Variants in CSMD3 observed in about 807,000 individuals in gnomAD.
CSMD3 encodes the protein CUB and Sushi multiple domains 3.
A neutral mutation model predicts 435.2 loss-of-function variants in CSMD3; 177 were observed. That is an observed-to-expected ratio of 0.41 (90% CI 0.36 to 0.46). The LOEUF (loss-of-function observed/expected upper bound fraction) is 0.46, where lower values mean the gene tolerates loss of function less well. Among genes scored for constraint, CSMD3 ranks in the 20% least tolerant of loss-of-function variants. The pLI, the probability that CSMD3 is intolerant of heterozygous loss-of-function variation, is 0.34. For synonymous variants in CSMD3, 1,656 were observed against 1,520.5 expected (o/e 1.09, Z -2.07); for missense variants, 4,265 against 4,504.6 (o/e 0.95, Z 1.52).
intron 13 of CSMD3, among the ~76,000 whole-genome samples, chr8:112,779,093 T>C (rs1315770816): frequency 1.3e-5 from 2 of 151,938 alleles, no homozygotes; most frequent in African/African-American, 4.8e-5. Context: ...ATAAGATGTG[T>C]CTTTGCAAAG....
At chr8:112,261,960 A>G (rs1816446118) in intron 61 of CSMD3, among the ~76,000 whole-genome samples, 1 of 152,004 alleles carries the variant, frequency 6.6e-6, no homozygotes, top group African/African-American at 2.4e-5. Flanking sequence ...TTTCACACAT[A>G]TTGATTACAT....
intron 47 of CSMD3, among the ~76,000 whole-genome samples, chr8:112,317,914 T>A (rs971415430): frequency 6.6e-6 from 1 of 152,076 alleles, no homozygotes; most frequent in South Asian, 2.1e-4. Flanking sequence ...CCAAAAAAGC[T>A]AGAAAGAATA....
chr8:113,180,548 T>C (rs1177817844), intron 3 of CSMD3, among the ~76,000 whole-genome samples: 1 of 152,018 alleles, frequency 6.6e-6, no homozygotes, highest in East Asian at 1.9e-4. Flanking sequence ...CATCTTTGTA[T>C]ACCAAGAATT....
At chr8:112,339,979 A>G (rs1379767190) in intron 42 of CSMD3, among the ~76,000 whole-genome samples, 4 of 152,356 alleles carry the variant, frequency 2.6e-5, no homozygotes, top group African/African-American at 9.6e-5. Context: ...TATTAGGTCA[A>G]TAATGAATTG....
intron 1 of CSMD3, among the ~76,000 whole-genome samples, chr8:113,426,264 A>G (rs367739009): frequency 1.3e-5 from 2 of 151,564 alleles, no homozygotes; most frequent in Admixed American, 6.6e-5. Context: ...CCATTTCTGC[A>G]TAATGAAAAT....
chr8:112,413,507 C>T (rs2130163103), intron 32 of CSMD3, among the ~76,000 whole-genome samples: 1 of 152,204 alleles, frequency 6.6e-6, no homozygotes, highest in African/African-American at 2.4e-5. Context: ...TAAATGATGA[C>T]AGTGTGTAAG....
intron 4 of CSMD3, among the ~76,000 whole-genome samples, chr8:113,139,811 T>A (rs2091504351): frequency 6.6e-6 from 1 of 150,892 alleles, no homozygotes; most frequent in Non-Finnish European, 1.5e-5. Context: ...CCTATAAGAA[T>A]CCCACTTCAA....
chr8:112,943,854 G>A (rs902403978), intron 9 of CSMD3, among the ~76,000 whole-genome samples: 1 of 151,366 alleles, frequency 6.6e-6, no homozygotes, highest in East Asian at 1.9e-4. Flanking sequence ...AATTTATATC[G>A]CTACTTGAAG....
chr8:113,114,344 A>T (rs2090758779), intron 4 of CSMD3, among the ~76,000 whole-genome samples: 1 of 152,188 alleles, frequency 6.6e-6, no homozygotes, highest in Non-Finnish European at 1.5e-5. Flanking sequence ...AATGTTAAAC[A>T]AAGACAAATT....
chr8:112,699,568 T>C (rs1307800747), intron 13 of CSMD3, among the ~76,000 whole-genome samples: 2 of 152,220 alleles, frequency 1.3e-5, no homozygotes, highest in African/African-American at 4.8e-5. Context: ...GTGAAACACA[T>C]ATAAATCACA....
At chr8:112,370,166 T>A (rs1411206783) in intron 38 of CSMD3, among the ~76,000 whole-genome samples, 2 of 152,164 alleles carry the variant, frequency 1.3e-5, no homozygotes, top group African/African-American at 2.4e-5. Context: ...AAAGTGATCA[T>A]CTTCATCAGA....
chr8:112,604,472 GA>G (rs1832635364), intron 22 of CSMD3, among the ~76,000 whole-genome samples: 3 of 152,016 alleles, frequency 2.0e-5, no homozygotes, highest in African/African-American at 7.2e-5. Flanking sequence ...ACCCAGAAAT[GA>G]AACCATACAC....
chr8:113,216,112 C>T (rs973323044), intron 3 of CSMD3, among the ~76,000 whole-genome samples: 1 of 151,518 alleles, frequency 6.6e-6, no homozygotes, highest in Non-Finnish European at 1.5e-5. Flanking sequence ...AGAAAAGCAA[C>T]AAGAACAAGT....
At chr8:112,410,319 C>A (rs1354055136) in intron 32 of CSMD3, among the ~76,000 whole-genome samples, 3 of 151,090 alleles carry the variant, frequency 2.0e-5, no homozygotes, top group Admixed American at 1.3e-4. Context: ...TGTCAATAAT[C>A]CTCCTTAAAA....
chr8:112,743,566 T>TA (rs1294836672), intron 13 of CSMD3, among the ~76,000 whole-genome samples: 1 of 151,828 alleles, frequency 6.6e-6, no homozygotes, highest in Admixed American at 6.6e-5. Flanking sequence ...TACAAAAACT[T>TA]AAAAAAATCC....
At chr8:113,099,251 T>A (rs1299916185) in intron 4 of CSMD3, among the ~76,000 whole-genome samples, 3 of 152,024 alleles carry the variant, frequency 2.0e-5, no homozygotes, top group Admixed American at 6.6e-5. Flanking sequence ...GAAAATAGAA[T>A]CAAGATTTTA....
chr8:112,632,582 T>C (rs1279724671), intron 22 of CSMD3, among the ~76,000 whole-genome samples: 2 of 152,040 alleles, frequency 1.3e-5, no homozygotes, highest in African/African-American at 4.8e-5. Context: ...AACATGTTCT[T>C]TCATTAGCTC....
At chr8:112,866,081 G>A (rs2080973893) in intron 10 of CSMD3, among the ~76,000 whole-genome samples, 1 of 152,158 alleles carries the variant, frequency 6.6e-6, no homozygotes, top group African/African-American at 2.4e-5. Flanking sequence ...TATTAGGGTT[G>A]TTGAAAGATT....
intron 2 of CSMD3, among the ~76,000 whole-genome samples, chr8:113,305,552 T>A (rs2093813385): frequency 6.6e-6 from 1 of 152,114 alleles, no homozygotes; most frequent in Non-Finnish European, 1.5e-5. Context: ...ATCTTTTGTT[T>A]GATCTTTTAA....
Sources: allele counts gnomAD v4.1 joint callset (sites outside exome capture counted in the v4.1 genomes callset), GRCh38; gene constraint gnomAD v4.1.1; transcripts MANE v1.5; gene names NCBI Gene and HGNC (gene_info 2026-07-23, HGNC 2026-07-21).